ABLIM2: variants seen among roughly 807,000 people sequenced by gnomAD.
ABLIM2 encodes the protein actin binding LIM protein family member 2.
ABLIM2 carries 53 observed loss-of-function variants against 97.7 expected under a neutral mutation model. The ratio of observed to expected loss-of-function variants is 0.54; its 90% CI spans 0.44 to 0.68. The LOEUF (loss-of-function observed/expected upper bound fraction) is 0.68, where lower values mean the gene tolerates loss of function less well. Among genes scored for constraint, ABLIM2 ranks in the 30% least tolerant of loss-of-function variants. The probability of loss-of-function intolerance (pLI) is 0.00; values close to 1 mark genes in which losing one functional copy is unlikely to be tolerated. For synonymous variants in ABLIM2, 361 were observed against 345.8 expected, an observed-to-expected ratio of 1.04 and a Z score of -0.49; for missense variants, 835 against 867.2, an observed-to-expected ratio of 0.96 and a Z score of 0.47.
chr4:8,010,690 C>T, intron 14 of ABLIM2: 1 of 732,568 alleles, frequency 1.4e-6, no homozygotes, highest in Non-Finnish European at 1.7e-6. Context: ...AAGCCCTGCT[C>T]TCCCCACTCA....
rs34327175 is a variant in ABLIM2 at position 8,019,751 on chromosome 4, T to C, written c.1370-80A>G. ...TGATGGTTTCTGTTCTACAGCTTTT[T>C]GTAAGCAACAAGCACTCACCCAGAT... On this transcript the variant is annotated intron_variant, in intron 13 of 20. Coordinates refer to ENST00000447017, the MANE Select transcript of ABLIM2 (RefSeq NM_001130083.2). The surrounding 1 kb of genome is among the most constrained non-coding windows in gnomAD (Gnocchi z 4.3). The C allele has an allele frequency of 0.31, 423,735 of 1,379,434 alleles. 69,743 individuals carry two copies. Among genetic ancestry groups the C allele is most frequent in the Non-Finnish European group, 0.35 (344,949 of 983,146 alleles). 85.4% of individuals were successfully genotyped at this position (1,379,434 alleles called of 1,614,324 possible).
At chr4:8,116,577 T>G (rs531838328) in intron 1 of ABLIM2, among the ~76,000 whole-genome samples, 1 of 152,340 alleles carries the variant, frequency 6.6e-6, no homozygotes, top group East Asian at 1.9e-4. Flanking sequence ...ATGTTGCACA[T>G]CCGGGGACTA....
intron 16 of ABLIM2, among the ~76,000 whole-genome samples, chr4:7,997,819 C>A (rs2150107853): frequency 6.6e-6 from 1 of 152,158 alleles, no homozygotes; most frequent in East Asian, 1.9e-4. Context: ...GCCTTAAAAT[C>A]CTTGTCAGAC....
At chr4:8,009,681 C>A (rs1401474569) in intron 14 of ABLIM2, among the ~76,000 whole-genome samples, 2 of 152,170 alleles carry the variant, frequency 1.3e-5, no homozygotes, top group African/African-American at 2.4e-5. Flanking sequence ...CAGGCATGAG[C>A]CACCGCACCT....
chr4:8,007,151 CATGAGGATGAGG>C (rs912819084), intron 16 of ABLIM2: 22 of 985,316 alleles, frequency 2.2e-5, no homozygotes, highest in Non-Finnish European at 2.7e-5. Flanking sequence ...AGTTTGCAGG[CATGAGGATGAGG>C]ATGAGGATGA....
intron 2 of ABLIM2, among the ~76,000 whole-genome samples, chr4:8,100,024 G>A (rs1561406085): frequency 6.6e-6 from 1 of 152,206 alleles, no homozygotes; most frequent in South Asian, 2.1e-4. Flanking sequence ...AGGTGGGGGT[G>A]ATGGGAGCAC....
chr4:8,152,259 G>C (rs1379173062), intron 1 of ABLIM2, among the ~76,000 whole-genome samples: 1 of 152,240 alleles, frequency 6.6e-6, no homozygotes, highest in Non-Finnish European at 1.5e-5. Flanking sequence ...CGCCCGCCTA[G>C]CCAGGGATAC....
intron 16 of ABLIM2, among the ~76,000 whole-genome samples, chr4:7,993,300 G>C (rs2149974829): frequency 6.6e-6 from 1 of 152,356 alleles, no homozygotes; most frequent in East Asian, 1.9e-4. Flanking sequence ...TGGAACCCTG[G>C]AGGAACAGCA....
In ABLIM2 at chr4:8,120,589, T is replaced by C. The variant is rs1383125957; in HGVS notation, c.11-13952A>G. On this transcript the variant is annotated intron_variant, in intron 1 of 20. Transcript: ENST00000447017. The surrounding 1 kb of genome is among the most constrained non-coding windows in gnomAD (Gnocchi z 5.6). ...AGCCAGCCCTGCCCGCACCTTGATC[T>C]GGGACTTCTGGCCTCCAGAACTGTG... 6.6e-6 allele frequency among the ~76,000 whole-genome samples: 1 copy of C among 152,148 alleles called. No homozygotes were observed. The highest frequency in any genetic ancestry group is 1.5e-5 in the Non-Finnish European group (1 of 68,018).
In ABLIM2 at chr4:8,044,626, C is replaced by T. The variant is rs1344613317; in HGVS notation, c.900+538G>A. Among the ~76,000 whole-genome samples the T allele has an allele frequency of 3.4e-5, 5 of 148,630 alleles. No individual in the cohort carries two copies. The highest frequency in any genetic ancestry group is 1.0e-4 in the African/African-American group (4 of 39,806). On this transcript the variant is annotated intron_variant, in intron 9 of 20. Transcript: ENST00000447017. The surrounding 1 kb of genome is among the most constrained non-coding windows in gnomAD (Gnocchi z 4.4). ...TTATATTTGTATGTGATTATGGAAG[C>T]GTGTGAGGCGCACAGACACACACAC...
Position 8,133,529 on chromosome 4 carries a change from GCA to G in ABLIM2, c.10+25149_10+25150del, listed in dbSNP as rs376797940. 3.3e-5 allele frequency among the ~76,000 whole-genome samples: 5 copies of G among 152,272 alleles called. No homozygotes were observed. In the South Asian group the frequency reaches 8.3e-4, roughly 25 times the overall value. The stretch of plus-strand genomic sequence containing the variant: ...TGGCAAACTAGCCTCCCAGTCTCCA[GCA>G]CACAGTGTCCTCTTTGGGGCGCACT... On this transcript the variant is annotated intron_variant, in intron 1 of 20. Coordinates refer to ENST00000447017, the MANE Select transcript of ABLIM2 (RefSeq NM_001130083.2).
Position 8,045,252 on chromosome 4 carries a change from A to T in ABLIM2, c.823-11T>A. The T allele has an allele frequency of 6.2e-7, 1 of 1,611,338 alleles. No homozygotes were observed. Among genetic ancestry groups the T allele is most frequent in the Non-Finnish European group, 8.5e-7 (1 of 1,177,390 alleles). ...GGAAGTTCTGGTTTCCTGAGAAAGG[A>T]GAGAGGAAGAGATTGAAGGCAGGTA... On this transcript the variant is annotated splice_polypyrimidine_tract_variant and intron_variant, in intron 8 of 20. Coordinates refer to ENST00000447017, the MANE Select transcript of ABLIM2 (RefSeq NM_001130083.2).
In ABLIM2 at chr4:7,992,950, TTG is replaced by T. The variant is rs960303126; in HGVS notation, c.1619-25_1619-24del. Reference sequence around the variant, plus strand: ...ATCCTGAAACAGACACAGCACAGCTTTGTCACGCGCGCAGACTCGGTGCAGCA... The same window carrying T: ...ATCCTGAAACAGACACAGCACAGCTTTCACGCGCGCAGACTCGGTGCAGCA... On this transcript the variant is annotated intron_variant, in intron 16 of 20. Transcript: ENST00000447017. This position sits in a 1 kb window ranked among gnomAD's most constrained non-coding sequence, Gnocchi z 5.7. 1.9e-6 allele frequency: 3 copies of T among 1,609,692 alleles called. No individual in the cohort carries two copies. The highest frequency in any genetic ancestry group is 2.5e-6 in the Non-Finnish European group (3 of 1,177,896).
At chr4:8,038,652 G>C (rs879916783) in intron 9 of ABLIM2, among the ~76,000 whole-genome samples, 1 of 152,148 alleles carries the variant, frequency 6.6e-6, no homozygotes, top group Admixed American at 6.5e-5. Context: ...GTCTTGGGGT[G>C]AACCCTGACA....
intron 1 of ABLIM2, among the ~76,000 whole-genome samples, chr4:8,126,399 G>T (rs1847942081): frequency 6.6e-6 from 1 of 151,758 alleles, no homozygotes; most frequent in Non-Finnish European, 1.5e-5. Context: ...GCTTCCAGGG[G>T]TCTGGGCTGC....
At position 8,087,287 on chromosome 4, in the gene ABLIM2, A is replaced by G. The variant is rs1824311524; in HGVS notation, c.454+882T>C. 6.6e-6 allele frequency among the ~76,000 whole-genome samples: 1 copy of G among 152,210 alleles called. No homozygotes were observed. The highest frequency in any genetic ancestry group is 1.5e-5 in the Non-Finnish European group (1 of 68,040). On this transcript the variant is annotated intron_variant, in intron 4 of 20. Coordinates refer to ENST00000447017, the MANE Select transcript of ABLIM2 (RefSeq NM_001130083.2). This position sits in a 1 kb window ranked among gnomAD's most constrained non-coding sequence, Gnocchi z 4.6. The stretch of plus-strand genomic sequence containing the variant: ...CCTGTGTGCCATCTCATGATCCGGC[A>G]GAGCCACCCCAGCTGGGAAAGGCCA...
rs764860661 is a variant in ABLIM2, at chr4:8,009,042, G to A, written c.1476+8C>T. The A allele has an allele frequency of 6.2e-7, 1 of 1,613,928 alleles. No individual in the cohort carries two copies. On this transcript the variant is annotated splice_region_variant and intron_variant, in intron 15 of 20. Coordinates refer to ENST00000447017, the MANE Select transcript of ABLIM2 (RefSeq NM_001130083.2). ...CTGTTCTCAGCCAGATCTGCTCCCT[G>A]GCATTACCTTCCTGTTATCCTGGTC...
At position 8,005,447 on chromosome 4, in the gene ABLIM2, C is replaced by A. The variant is rs776419108; in HGVS notation, c.1618+2612G>T. ...GACGTCCCGGGGTGCAGGTGGCGTGCCTTGCTGTGTGCAAATGCTTTGTTC... is the reference window on the plus strand; with the variant it reads ...GACGTCCCGGGGTGCAGGTGGCGTGACTTGCTGTGTGCAAATGCTTTGTTC... On this transcript the variant is annotated intron_variant, in intron 16 of 20. Coordinates refer to ENST00000447017, the MANE Select transcript of ABLIM2 (RefSeq NM_001130083.2). This position sits in a 1 kb window ranked among gnomAD's most constrained non-coding sequence, Gnocchi z 4.9. 1 of 532,506 alleles carries A rather than the reference C, an allele frequency of 1.9e-6. No homozygotes were observed. The highest frequency in any genetic ancestry group is 3.8e-6 in the Non-Finnish European group (1 of 259,946). The allele number at this position is 532,506 out of a possible 1,614,324, so 33.0% of individuals were successfully genotyped here.
intron 17 of ABLIM2, among the ~76,000 whole-genome samples, chr4:7,988,844 C>G (rs1005737170): frequency 1.3e-5 from 2 of 152,160 alleles, no homozygotes; most frequent in Non-Finnish European, 1.5e-5. Context: ...CTGTCTGATG[C>G]TAACACATGT....
Sources: allele counts gnomAD v4.1 joint callset (sites outside exome capture counted in the v4.1 genomes callset), GRCh38; gene constraint gnomAD v4.1.1; non-coding constraint Gnocchi (gnomAD v3.1); transcripts MANE v1.5; gene names NCBI Gene and HGNC (gene_info 2026-07-23, HGNC 2026-07-21).